SIM2: variants seen among roughly 807,000 people sequenced by gnomAD.
SIM2 encodes SIM bHLH transcription factor 2, also known as single-minded homolog 2.
A neutral mutation model predicts 64.8 loss-of-function variants in SIM2; 28 were observed. The ratio of observed to expected loss-of-function variants is 0.43; its 90% CI spans 0.32 to 0.59. The LOEUF (loss-of-function observed/expected upper bound fraction) is 0.59, where lower values mean the gene tolerates loss of function less well. Among genes scored for constraint, SIM2 ranks in the 20% least tolerant of loss-of-function variants. SIM2 has a pLI of 0.07. For missense variants in SIM2, 847 were observed against 871.4 expected (o/e 0.97, Z 0.35); for synonymous variants, 408 against 391.1 (o/e 1.04, Z -0.51).
chr21:36,709,053 G>A (rs1036014798), intron 1 of SIM2, 115 bp from the exon 2 acceptor site: 2 of 848,430 alleles, frequency 2.4e-6, no homozygotes, highest in East Asian at 6.1e-5. Flanking sequence ...GCGGGGAGAC[G>A]CGCGGGACTC....
chr21:36,742,871 C>A lies in SIM2; in HGVS notation c.999-516C>A, dbSNP rs570470025. Among the ~76,000 whole-genome samples the A allele has an allele frequency of 1.3e-4, 20 of 152,264 alleles. 1 individual carries two copies. Among genetic ancestry groups the A allele is most frequent in the Non-Finnish European group, 8.8e-5 (6 of 68,028 alleles). ...AAATGTGTGGGCTGGTTCTCCAGGT[C>A]GACCTCTCCTTGTGTGAACATGACC... On this transcript the variant is annotated intron_variant, in intron 8 of 10. Transcript: ENST00000290399.
rs372019210 is a variant in SIM2 at position 36,709,258 on chromosome 21, G to C, written c.258+8G>C. On this transcript the variant is annotated splice_region_variant and intron_variant, in intron 2 of 10. Transcript: ENST00000290399. ...GGATCGCACTTGCTGCAGGTAGAGCGGCCTCGCCGGGGGAGGAGCGCAGCC... is the reference window on the plus strand; with the variant it reads ...GGATCGCACTTGCTGCAGGTAGAGCCGCCTCGCCGGGGGAGGAGCGCAGCC... 6.3e-7 allele frequency: 1 copy of C among 1,586,974 alleles called. No homozygotes were observed. Among genetic ancestry groups the C allele is most frequent in the South Asian group, 1.1e-5 (1 of 87,812 alleles).
At chr21:36,737,860 C>T (rs147765743) in intron 7 of SIM2, among the ~76,000 whole-genome samples, 4 of 145,910 alleles carry the variant, frequency 2.7e-5, no homozygotes, top group East Asian at 2.1e-4. Context: ...ATTCAGGAGT[C>T]TGAGGCAGGG....
intron 10 of SIM2, among the ~76,000 whole-genome samples, chr21:36,746,548 C>T (rs746355565): frequency 6.6e-6 from 1 of 152,178 alleles, no homozygotes; most frequent in Non-Finnish European, 1.5e-5. Flanking sequence ...AGATAGATTA[C>T]GGGAGAATGC....
intron 4 of SIM2, 77 bp downstream of exon 4, chr21:36,720,006 TC>T (rs767017703): frequency 9.6e-7 from 1 of 1,047,108 alleles, no homozygotes; most frequent in Non-Finnish European, 1.5e-6. Flanking sequence ...GGGCTTTGCT[TC>T]CCACATCTGC....
chr21:36,699,864 G>A lies in SIM2; in HGVS notation c.118G>A (p.Ala40Thr), dbSNP rs2088460284. The change falls in exon 1 of 11, where the codon GCG becomes ACG. Residue 40 changes from alanine (A) to threonine (T), a missense_variant. Transcript: ENST00000290399. The surrounding 1 kb of genome is among the most constrained non-coding windows in gnomAD (Gnocchi z 5.6). ...PSAITSQLDKASIIRLTTSYL... is the reference protein window; with the variant it reads ...PSAITSQLDKTSIIRLTTSYL... ...GGCCATCACTTCGCAGCTGGACAAA[G>A]CGTCCATCATCCGCCTCACCACGAG... The A allele has an allele frequency of 6.2e-6, 10 of 1,609,342 alleles. No individual in the cohort carries two copies. The highest frequency in any genetic ancestry group is 2.2e-5 in the South Asian group (2 of 89,934).
intron 7 of SIM2, among the ~76,000 whole-genome samples, chr21:36,740,867 G>T (rs1483767063): frequency 6.6e-6 from 1 of 152,204 alleles, no homozygotes; most frequent in South Asian, 2.1e-4. Flanking sequence ...GAATGTTCTG[G>T]AGCTGAGGAC....
Position 36,699,921 on chromosome 21 carries a change from G to A in SIM2, c.175G>A (p.Gly59Ser), listed in dbSNP as rs2088462695. The change falls in exon 1 of 11, where the codon GGT (glycine) becomes AGT (serine). Residue 59 changes from glycine to serine, a missense_variant and splice_region_variant. Coordinates refer to ENST00000290399, the MANE Select transcript of SIM2 (RefSeq NM_005069.6). The surrounding 1 kb of genome is among the most constrained non-coding windows in gnomAD (Gnocchi z 5.6). ...GAAGATGCGCGCCGTCTTCCCCGAAGGTGAGGCCTCAGGTGGGCGGCCGGG... is the reference window on the plus strand; with the variant it reads ...GAAGATGCGCGCCGTCTTCCCCGAAAGTGAGGCCTCAGGTGGGCGGCCGGG... The part of the protein sequence containing the change: ...YLKMRAVFPE[G>S]LGDAWGQPSR... 1.9e-6 allele frequency: 3 copies of A among 1,597,048 alleles called. No homozygotes were observed. Among genetic ancestry groups the A allele is most frequent in the African/African-American group, 1.3e-5 (1 of 74,328 alleles).
intron 4 of SIM2, chr21:36,720,229 G>A (rs1385134942): frequency 5.8e-6 from 2 of 344,314 alleles, no homozygotes; most frequent in Non-Finnish European, 1.1e-5. Flanking sequence ...GAATTCCAGG[G>A]ATTACAGCAT....
At chr21:36,728,876 C>T (rs189255396) in intron 6 of SIM2, among the ~76,000 whole-genome samples, 3 of 152,356 alleles carry the variant, frequency 2.0e-5, no homozygotes, top group Non-Finnish European at 2.9e-5. Context: ...CGCCACACCC[C>T]GCACAATCCC....
chr21:36,740,959 C>G lies in SIM2; in HGVS notation c.851-758C>G, dbSNP rs1031017275. On this transcript the variant is annotated intron_variant, in intron 7 of 10. Coordinates refer to ENST00000290399, the MANE Select transcript of SIM2 (RefSeq NM_005069.6). ...GCTTCACCTCTCCACTGCCCACCTG[C>G]GGGTTCTGGCACTTTCCTCCCCCAC... Among the ~76,000 whole-genome samples the G allele has an allele frequency of 2.0e-5, 3 of 152,294 alleles. No individual in the cohort carries two copies. In the Middle Eastern group the frequency reaches 0.01, roughly 518 times the overall value.
At chr21:36,727,151 C>T (rs1179427601) in intron 6 of SIM2, among the ~76,000 whole-genome samples, 2 of 152,202 alleles carry the variant, frequency 1.3e-5, no homozygotes, top group Non-Finnish European at 2.9e-5. Flanking sequence ...GATTCTGCCT[C>T]AGCCTCCCAA....
chr21:36,702,638 G>T (rs1397192139), intron 1 of SIM2, among the ~76,000 whole-genome samples: 1 of 152,180 alleles, frequency 6.6e-6, no homozygotes. Flanking sequence ...CCAAAGAGTG[G>T]CAGTGGAGTG....
chr21:36,709,326 G>A (rs756410687), intron 2 of SIM2, 76 bp downstream of exon 2: 4 of 1,252,302 alleles, frequency 3.2e-6, no homozygotes, highest in South Asian at 2.6e-5. Flanking sequence ...GCCTCCAGGC[G>A]TCCCTTCCCC....
intron 6 of SIM2, among the ~76,000 whole-genome samples, chr21:36,727,291 T>C (rs1268563675): frequency 6.6e-6 from 1 of 152,192 alleles, no homozygotes; most frequent in African/African-American, 2.4e-5. Context: ...CGCCTCAGCC[T>C]CCCAAAGTGC....
chr21:36,726,185 T>C lies in SIM2; in HGVS notation c.610T>C (p.Cys204Arg). ...GCTGGACATGTCCCTGTACGACTCC[T>C]GCTACCAGATTGTGGGGCTGGTGGC... is the stretch of plus-strand genomic sequence containing the variant. ...YMLDMSLYDS[C>R]YQIVGLVAVG... The change falls in exon 6 of 11, where the codon TGC becomes CGC. Residue 204 changes from cysteine to arginine, a missense_variant. Physicochemically the swap from Cys to Arg is radical, Grantham distance 180 (BLOSUM62 -3). Transcript: ENST00000290399. This position sits in a 1 kb window ranked among gnomAD's most constrained non-coding sequence, Gnocchi z 4.5. 6.2e-7 allele frequency: 1 copy of C among 1,614,102 alleles called. No individual in the cohort carries two copies. The highest frequency in any genetic ancestry group is 8.5e-7 in the Non-Finnish European group (1 of 1,180,046).
intron 3 of SIM2, among the ~76,000 whole-genome samples, chr21:36,719,612 G>A (rs1232061653): frequency 6.6e-6 from 1 of 152,226 alleles, no homozygotes; most frequent in Non-Finnish European, 1.5e-5. Flanking sequence ...TCAGTGCCAT[G>A]GCCTTTTTAG....
intron 7 of SIM2, among the ~76,000 whole-genome samples, chr21:36,737,256 C>T (rs141800019): frequency 3.5e-4 from 54 of 152,314 alleles, no homozygotes; most frequent in African/African-American, 1.3e-3. Context: ...GAAAAGTGAA[C>T]ACGGGATCAT....
intron 4 of SIM2, chr21:36,720,152 A>T (rs749992030): frequency 3.7e-6 from 2 of 544,798 alleles, no homozygotes; most frequent in East Asian, 6.0e-5. Flanking sequence ...GTTGGCCAGA[A>T]CCCGTGTTGA....
Sources: allele counts gnomAD v4.1 joint callset (sites outside exome capture counted in the v4.1 genomes callset), GRCh38; gene constraint gnomAD v4.1.1; non-coding constraint Gnocchi (gnomAD v3.1); transcripts MANE v1.5; gene names NCBI Gene and HGNC (gene_info 2026-07-23, HGNC 2026-07-21).